TRIOBP: variants seen among roughly 807,000 people sequenced by gnomAD.
TRIOBP encodes TRIO and F-actin binding protein, also known as TRIO and F-actin-binding protein.
TRIOBP carries 169 observed loss-of-function variants against 238.8 expected under a neutral mutation model. The observed-to-expected ratio is 0.71, with a 90% CI of 0.62 to 0.80. The LOEUF (loss-of-function observed/expected upper bound fraction) is 0.80. Ranked by LOEUF, TRIOBP falls within the 30% of genes least tolerant of loss-of-function variation. TRIOBP has a pLI of 0.00. For synonymous variants in TRIOBP, 1,150 were observed against 1,274.4 expected (o/e 0.90, Z 2.08); for missense variants, 2,838 against 3,122.6 (o/e 0.91, Z 2.17).
intron 17 of TRIOBP, among the ~76,000 whole-genome samples, chr22:37,763,724 C>T (rs550157912): frequency 8.5e-5 from 13 of 152,336 alleles, no homozygotes; most frequent in African/African-American, 2.4e-4. Context: ...AGGGTCCTGT[C>T]GGTGGCTGCT....
intron 6 of TRIOBP, among the ~76,000 whole-genome samples, chr22:37,719,403 C>T (rs1923705458): frequency 1.3e-5 from 2 of 151,854 alleles, no homozygotes; most frequent in Admixed American, 1.3e-4. Flanking sequence ...CGGATGGGCC[C>T]AGCGCTGGCT....
intron 6 of TRIOBP, among the ~76,000 whole-genome samples, chr22:37,716,914 A>G (rs1260694961): frequency 1.3e-5 from 2 of 152,238 alleles, no homozygotes; most frequent in Non-Finnish European, 2.9e-5. Flanking sequence ...TGGCGGATGC[A>G]AAATCCCTAG....
At chr22:37,758,680 A>AT (rs1926077054) in intron 16 of TRIOBP, among the ~76,000 whole-genome samples, 1 of 132,662 alleles carries the variant, frequency 7.5e-6, no homozygotes, top group Admixed American at 7.3e-5. Context: ...TTTGTCTCAG[A>AT]TTAAAAAAAA....
intron 15 of TRIOBP, among the ~76,000 whole-genome samples, chr22:37,756,972 C>T (rs989211235): frequency 3.9e-5 from 6 of 152,172 alleles, no homozygotes; most frequent in Admixed American, 1.3e-4. Flanking sequence ...TGCAAAAAGC[C>T]CCCTGCCTGC....
chr22:37,755,809 A>G (rs1001152888), intron 15 of TRIOBP, 150 bp downstream of exon 15: 12 of 725,772 alleles, frequency 1.7e-5, no homozygotes, highest in African/African-American at 1.2e-4. Context: ...CATTCTCGGT[A>G]TCATCCAGAA....
At chr22:37,767,402 A>G (rs972610298) in intron 18 of TRIOBP, among the ~76,000 whole-genome samples, 2 of 151,178 alleles carry the variant, frequency 1.3e-5, no homozygotes, top group East Asian at 1.9e-4. Flanking sequence ...CCTGAGTGGG[A>G]AAAAAAAAGC....
rs980818071 is a variant in TRIOBP, at chr22:37,775,807, G to GGC, written c.*2030_*2031dup. ...CATCTCAAAAAAAAAGGGGGAGGGT[G>GGC]GCGCAAGGAGAGGACACCTCTCTCC... On this transcript the variant is annotated 3_prime_UTR_variant, in exon 24 of 24. Transcript: ENST00000644935. 6.6e-6 allele frequency: 1 copy of GGC among 152,084 alleles called. No homozygotes were observed. The highest frequency in any genetic ancestry group is 2.4e-5 in the African/African-American group (1 of 41,390). 9.4% of individuals were successfully genotyped at this position (152,084 alleles called of 1,614,324 possible). A position where few individuals can be genotyped will look rare whatever the true frequency, so the allele number is the denominator to read the frequency against.
chr22:37,739,273 C>A (rs1430064262), intron 10 of TRIOBP, among the ~76,000 whole-genome samples: 1 of 152,184 alleles, frequency 6.6e-6, no homozygotes, highest in Non-Finnish European at 1.5e-5. Context: ...GTTCTCGTCA[C>A]CCTCAGCCTC....
At chr22:37,715,489 C>G (rs566911246) in intron 5 of TRIOBP, among the ~76,000 whole-genome samples, 1 of 152,034 alleles carries the variant, frequency 6.6e-6, no homozygotes, top group Non-Finnish European at 1.5e-5. Context: ...ACTACAGGTG[C>G]CCGCCACCAC....
chr22:37,715,365 CAG>C (rs1359504517), intron 5 of TRIOBP, among the ~76,000 whole-genome samples: 1 of 149,764 alleles, frequency 6.7e-6, no homozygotes, highest in East Asian at 2.0e-4. Flanking sequence ...TTTTTTGAGA[CAG>C]AGTCTCACTC....
In TRIOBP at chr22:37,724,638, G is replaced by A; in HGVS notation, c.2082G>A (p.Glu694=). Residue 694 remains glutamate (E), a synonymous_variant, in exon 7 of 24, where the codon GAG becomes GAA. Coordinates refer to ENST00000644935, the MANE Select transcript of TRIOBP (RefSeq NM_001039141.3). The stretch of plus-strand genomic sequence containing the variant: ...CTCCCAGCAGAACCATCCAACAAGA[G>A]AACCCCAGAACATCCTGTGCCCAAC... ...ASSPSRTIQQ[E]NPRTSCAQRD... 6.6e-7 allele frequency: 1 copy of A among 1,507,726 alleles called. No homozygotes were observed. The highest frequency in any genetic ancestry group is 8.9e-7 in the Non-Finnish European group (1 of 1,128,438). 93.4% of individuals were successfully genotyped at this position (1,507,726 alleles called of 1,614,324 possible).
chr22:37,716,522 T>G (rs899985332), intron 6 of TRIOBP, among the ~76,000 whole-genome samples: 1 of 151,864 alleles, frequency 6.6e-6, no homozygotes. Context: ...CTCCGCCTCC[T>G]GGGTTCAAGA....
rs538599322 is a variant in TRIOBP, at chr22:37,705,247, T to C, written c.114+3768T>C. Among the ~76,000 whole-genome samples, 5 of 151,788 alleles carry C rather than the reference T, an allele frequency of 3.3e-5. No individual in the cohort carries two copies. In the South Asian group the frequency reaches 1.0e-3, roughly 32 times the overall value. On this transcript the variant is annotated intron_variant, in intron 3 of 23. Transcript: ENST00000644935. ...CAAATTAGCTACATGTGGTGGTGGGTGCCTGTAATCCCAGGTACTTAGGAG... is the reference window on the plus strand; with the variant it reads ...CAAATTAGCTACATGTGGTGGTGGGCGCCTGTAATCCCAGGTACTTAGGAG...
Position 37,751,831 on chromosome 22 carries a change from A to G in TRIOBP, c.5379+3A>G. The G allele has an allele frequency of 6.2e-7, 1 of 1,613,552 alleles. No homozygotes were observed. Among genetic ancestry groups the G allele is most frequent in the South Asian group, 1.1e-5 (1 of 91,070 alleles). ...CGATCTTGGACGAGCCTGGAGAGGT[A>G]AGAGGACTGAGGCCGGAGGGGAGGA... On this transcript the variant is annotated splice_donor_region_variant and intron_variant, in intron 12 of 23. Transcript: ENST00000644935.
chr22:37,746,272 G>T, intron 11 of TRIOBP: 1 of 1,086,180 alleles, frequency 9.2e-7, no homozygotes. Context: ...CAGCGTCGGG[G>T]AAAGGAAGGG....
chr22:37,738,785 C>A, intron 10 of TRIOBP, 66 bp downstream of exon 10: 1 of 1,522,678 alleles, frequency 6.6e-7, no homozygotes, highest in Non-Finnish European at 9.1e-7. Context: ...TGGAGATGGG[C>A]TTCATTCCTC....
intron 11 of TRIOBP, chr22:37,746,354 C>G (rs1925262567): frequency 8.3e-7 from 1 of 1,208,676 alleles, no homozygotes; most frequent in Non-Finnish European, 1.0e-6. Flanking sequence ...CGCCGCGGAG[C>G]CCGGCCCGAG....
chr22:37,699,072 C>T (rs1461814365), intron 2 of TRIOBP, among the ~76,000 whole-genome samples: 2 of 151,922 alleles, frequency 1.3e-5, no homozygotes, highest in African/African-American at 2.4e-5. Flanking sequence ...ACCCAGGAGG[C>T]GGAGGTTGCA....
intron 2 of TRIOBP, 84 bp from the exon 3 acceptor site, chr22:37,701,222 C>G (rs1922628510): frequency 1.5e-6 from 1 of 686,750 alleles, no homozygotes; most frequent in Non-Finnish European, 2.7e-6. Flanking sequence ...TGGTCCTTGT[C>G]TGGAAACTGG....
Sources: allele counts gnomAD v4.1 joint callset (sites outside exome capture counted in the v4.1 genomes callset), GRCh38; gene constraint gnomAD v4.1.1; transcripts MANE v1.5; gene names NCBI Gene and HGNC (gene_info 2026-07-23, HGNC 2026-07-21).